The following EHD2 variants were observed in gnomAD, a reference collection of about 807,000 sequenced individuals.
The protein encoded by EHD2 is EH domain containing 2, also known as EH domain-containing protein 2.
Under a neutral mutation model 41.0 loss-of-function variants are expected in EHD2, and 27 were observed. The observed-to-expected ratio is 0.66, with a 90% CI of 0.49 to 0.91. EHD2 has a LOEUF of 0.91. EHD2 is among the 40% of genes least tolerant of loss of function. The probability of loss-of-function intolerance (pLI) is 0.00; values close to 1 mark genes in which losing one functional copy is unlikely to be tolerated. For missense variants in EHD2, 673 were observed against 773.9 expected, an observed-to-expected ratio of 0.87 and a Z score of 1.55; for synonymous variants, 342 against 341.0, an observed-to-expected ratio of 1.00 and a Z score of -0.03.
chr19:47,716,551 C>T lies in EHD2; in HGVS notation c.-55-7C>T. The T allele has an allele frequency of 6.9e-7, 1 of 1,443,128 alleles. No individual in the cohort carries two copies. The highest frequency in any genetic ancestry group is 1.4e-5 in the South Asian group (1 of 69,352). 89.4% of individuals were successfully genotyped at this position (1,443,128 alleles called of 1,614,324 possible). A position where few individuals can be genotyped will look rare whatever the true frequency, so the allele number is the denominator to read the frequency against. ...GCCTATGCTCATGCCCTCTCCCCCTCCCACAGGCAGCTCTCCATCTGCACG... is the reference window on the plus strand; with the variant it reads ...GCCTATGCTCATGCCCTCTCCCCCTTCCACAGGCAGCTCTCCATCTGCACG... On this transcript the variant is annotated splice_polypyrimidine_tract_variant and splice_region_variant and intron_variant, in intron 1 of 5. Coordinates refer to ENST00000263277, the MANE Select transcript of EHD2 (RefSeq NM_014601.4).
chr19:47,741,279 C>T lies in EHD2; in HGVS notation c.1479C>T (p.Ser493=), dbSNP rs34897319. ...TGCTGGGGCGCATCTGGAAGCTCAG[C>T]GATGTGGACCGCGACGGCATGCTGG... is the stretch of plus-strand genomic sequence containing the variant. ...NSVLGRIWKL[S]DVDRDGMLDD... Residue 493 remains serine (S), a synonymous_variant, in exon 6 of 6, where the codon AGC becomes AGT. Coordinates refer to ENST00000263277, the MANE Select transcript of EHD2 (RefSeq NM_014601.4). The surrounding 1 kb of genome is among the most constrained non-coding windows in gnomAD (Gnocchi z 4.5). 92 of 1,614,022 alleles carry T rather than the reference C, an allele frequency of 5.7e-5. No homozygotes were observed. In the East Asian group the frequency reaches 1.0e-3, roughly 18 times the overall value.
chr19:47,725,396 CAAA>C (rs10676405), intron 3 of EHD2, among the ~76,000 whole-genome samples: 22 of 74,258 alleles, frequency 3.0e-4, no homozygotes, highest in African/African-American at 1.3e-3. Context: ...CATCTCTACT[CAAA>C]AAAAAAAAAA....
intron 4 of EHD2, among the ~76,000 whole-genome samples, chr19:47,726,866 C>T (rs1311961462): frequency 3.9e-5 from 6 of 152,062 alleles, no homozygotes; most frequent in East Asian, 1.9e-4. Context: ...TTTGTAGAGT[C>T]GAGGTCTTAC....
In EHD2 at chr19:47,718,617, C is replaced by T. The variant is rs1415789362; in HGVS notation, c.502+11C>T. 4 of 1,555,060 alleles carry T rather than the reference C, an allele frequency of 2.6e-6. No homozygotes were observed. Among genetic ancestry groups the T allele is most frequent in the Non-Finnish European group, 3.5e-6 (4 of 1,148,322 alleles). Reference sequence around the variant, plus strand: ...AGAGAGTGAGCCGCGGTGAGTGGGGCCAGACCCTGGGGTCTGAGGGAGGAG... The same window carrying T: ...AGAGAGTGAGCCGCGGTGAGTGGGGTCAGACCCTGGGGTCTGAGGGAGGAG... On this transcript the variant is annotated intron_variant, in intron 3 of 5. Coordinates refer to ENST00000263277, the MANE Select transcript of EHD2 (RefSeq NM_014601.4).
At chr19:47,740,146 G>A (rs191440845) in intron 5 of EHD2, among the ~76,000 whole-genome samples, 208 of 152,286 alleles carry the variant, frequency 1.4e-3, no homozygotes, top group African/African-American at 4.7e-3. Flanking sequence ...TGGGAGGATG[G>A]CTTGAGCTCA....
Position 47,716,873 on chromosome 19 carries a change from C to A in EHD2, c.261C>A (p.Arg87=). The change falls in exon 2 of 6, where the codon CGC becomes CGA. Residue 87 remains arginine, a synonymous_variant. Coordinates refer to ENST00000263277, the MANE Select transcript of EHD2 (RefSeq NM_014601.4). Reference sequence around the variant, plus strand: ...TGGAGCAGGAGGTGCCCGGCTCCCGCGTGGGGCCTGAGCCCACCACCGACT... The same window carrying A: ...TGGAGCAGGAGGTGCCCGGCTCCCGAGTGGGGCCTGAGCCCACCACCGACT... The part of the protein sequence containing the change: ...YLLEQEVPGS[R]VGPEPTTDCF... 6.2e-7 allele frequency: 1 copy of A among 1,612,194 alleles called. No homozygotes were observed.
chr19:47,720,899 C>T (rs565918529), intron 3 of EHD2, among the ~76,000 whole-genome samples: 3 of 151,224 alleles, frequency 2.0e-5, no homozygotes, highest in Non-Finnish European at 4.4e-5. Context: ...TGTGTGATTA[C>T]GTCTGTGTGT....
chr19:47,721,689 AAATGGGAAT>A (rs2123640466), intron 3 of EHD2, among the ~76,000 whole-genome samples: 1 of 152,130 alleles, frequency 6.6e-6, no homozygotes, highest in South Asian at 2.1e-4. Flanking sequence ...CTTACCTGCA[AAATGGGAAT>A]AATGGGCTGG....
At chr19:47,725,721 A>G (rs951400624) in intron 3 of EHD2, 91 bp from the exon 4 acceptor site, 7 of 1,470,620 alleles carry the variant, frequency 4.8e-6, no homozygotes, top group Non-Finnish European at 6.4e-6. Flanking sequence ...ACAGTCCAAT[A>G]TGCAAGAGAA....
chr19:47,738,525 C>T (rs1342470246), intron 5 of EHD2, among the ~76,000 whole-genome samples: 1 of 152,196 alleles, frequency 6.6e-6, no homozygotes, highest in Admixed American at 6.5e-5. Context: ...TGGTCTCAAA[C>T]TCCTGACTTC....
intron 3 of EHD2, among the ~76,000 whole-genome samples, chr19:47,721,988 A>C (rs965207945): frequency 4.0e-5 from 6 of 149,422 alleles, no homozygotes; most frequent in African/African-American, 1.5e-4. Flanking sequence ...TGGTCTCAAA[A>C]ATAAACAAAC....
At chr19:47,735,868 C>A (rs532377740) in intron 4 of EHD2, among the ~76,000 whole-genome samples, 2 of 148,480 alleles carry the variant, frequency 1.3e-5, no homozygotes, top group East Asian at 2.0e-4. Flanking sequence ...TGCACCACTG[C>A]ACTCCAGCCT....
chr19:47,733,473 A>T (rs1966890182), intron 4 of EHD2, among the ~76,000 whole-genome samples: 1 of 151,856 alleles, frequency 6.6e-6, no homozygotes, highest in South Asian at 2.1e-4. Flanking sequence ...AGAGATCGAG[A>T]CCATCCTGGC....
chr19:47,723,580 C>T (rs944365285), intron 3 of EHD2, among the ~76,000 whole-genome samples: 2 of 144,072 alleles, frequency 1.4e-5, no homozygotes, highest in Non-Finnish European at 3.0e-5. Flanking sequence ...TGCTTGAACT[C>T]GAGAGGCAGA....
In EHD2 at chr19:47,731,284, A is replaced by ATG. The variant is rs1973809477; in HGVS notation, c.915+5061_915+5062insGT. ...TGATTCTTTAAAAAAAAAAAAATAT[A>ATG]TATATATATATATATATACATATAT... is the stretch of plus-strand genomic sequence containing the variant. On this transcript the variant is annotated intron_variant, in intron 4 of 5. Coordinates refer to ENST00000263277, the MANE Select transcript of EHD2 (RefSeq NM_014601.4). The ATG allele has an allele frequency of 2.4e-4, 13 of 54,924 alleles. 1 individual carries two copies. The highest frequency in any genetic ancestry group is 3.5e-4 in the Admixed American group (2 of 5,640). 3.4% of individuals were successfully genotyped at this position (54,924 alleles called of 1,614,324 possible). A position where few individuals can be genotyped will look rare whatever the true frequency, so the allele number is the denominator to read the frequency against.
intron 4 of EHD2, among the ~76,000 whole-genome samples, chr19:47,734,998 G>GACAAGGTTGCGCC (rs1332835347): frequency 6.6e-6 from 1 of 152,144 alleles, no homozygotes; most frequent in Non-Finnish European, 1.5e-5. Context: ...GTTGCAGTGA[G>GACAAGGTTGCGCC]ACAAGGTTGC....
Position 47,741,525 on chromosome 19 carries a change from C to A in EHD2, c.*93C>A. On this transcript the variant is annotated 3_prime_UTR_variant, in exon 6 of 6. Coordinates refer to ENST00000263277, the MANE Select transcript of EHD2 (RefSeq NM_014601.4). This position sits in a 1 kb window ranked among gnomAD's most constrained non-coding sequence, Gnocchi z 4.5. ...CCGGCTCACACACGCCCTGCCTGCC[C>A]TCCCTGCCCAGCTGTAAGGACCGGG... The A allele has an allele frequency of 7.2e-7, 1 of 1,396,306 alleles. No homozygotes were observed. The highest frequency in any genetic ancestry group is 2.4e-5 in the Admixed American group (1 of 41,966). 86.5% of individuals were successfully genotyped at this position (1,396,306 alleles called of 1,614,324 possible).
intron 3 of EHD2, among the ~76,000 whole-genome samples, chr19:47,720,239 C>T (rs1973681270): frequency 6.6e-6 from 1 of 152,100 alleles, no homozygotes; most frequent in Admixed American, 6.6e-5. Context: ...TCTCGGCTCA[C>T]TGCAACCTTT....
At chr19:47,728,731 G>A (rs1973778593) in intron 4 of EHD2, among the ~76,000 whole-genome samples, 1 of 151,264 alleles carries the variant, frequency 6.6e-6, no homozygotes, top group South Asian at 2.1e-4. Flanking sequence ...ACCACACCCA[G>A]CTAATTTTTT....
Sources: gnomAD v4.1 joint callset for allele counts (sites outside exome capture counted in the v4.1 genomes callset) on GRCh38, gnomAD v4.1.1 for gene constraint, Gnocchi (gnomAD v3.1) non-coding constraint, MANE v1.5 for transcripts, NCBI Gene and HGNC (gene_info 2026-07-23, HGNC 2026-07-21) for gene names.